Variants in BMPR1B observed in about 807,000 individuals in gnomAD.
BMPR1B encodes bone morphogenetic protein receptor type-1B.
In BMPR1B, 12 loss-of-function variants were observed where a neutral mutation model predicts 59.1. That is an observed-to-expected ratio of 0.20 (90% CI 0.13 to 0.33). The LOEUF (loss-of-function observed/expected upper bound fraction) is 0.33, where lower values mean the gene tolerates loss of function less well. Ranked by LOEUF, BMPR1B falls within the 10% of genes least tolerant of loss-of-function variation. The probability of loss-of-function intolerance (pLI) is 1.00; values close to 1 mark genes in which losing one functional copy is unlikely to be tolerated. For synonymous variants in BMPR1B, 237 were observed against 207.3 expected (o/e 1.14, Z -1.23); for missense variants, 550 against 610.9 (o/e 0.90, Z 1.05).
intron 10 of BMPR1B, among the ~76,000 whole-genome samples, chr4:95,139,708 C>G (rs893174426): frequency 4.6e-5 from 7 of 151,430 alleles, no homozygotes; most frequent in African/African-American, 1.5e-4. Context: ...TGGGACCCTC[C>G]GAGCCGGGCG....
intron 2 of BMPR1B, among the ~76,000 whole-genome samples, chr4:94,882,378 C>T (rs1199984634): frequency 2.0e-5 from 3 of 152,136 alleles, no homozygotes; most frequent in Non-Finnish European, 4.4e-5. Flanking sequence ...AACTTTTTCT[C>T]TTCGTCAAAG....
intron 1 of BMPR1B, among the ~76,000 whole-genome samples, chr4:94,767,105 C>A (rs749722559): frequency 1.3e-5 from 2 of 152,054 alleles, no homozygotes; most frequent in African/African-American, 4.8e-5. Context: ...GAAGAACCCA[C>A]GACCAGGCTG....
At chr4:95,058,571 A>G (rs1727105597) in intron 3 of BMPR1B, among the ~76,000 whole-genome samples, 1 of 152,056 alleles carries the variant, frequency 6.6e-6, no homozygotes, top group South Asian at 2.1e-4. Context: ...ACATCTTAAA[A>G]TTTTTTCTGG....
chr4:95,110,539 C>T (rs1032778299), intron 4 of BMPR1B, among the ~76,000 whole-genome samples: 1 of 152,074 alleles, frequency 6.6e-6, no homozygotes, highest in Non-Finnish European at 1.5e-5. Context: ...ATGTATTTCA[C>T]GCTATATTCC....
At chr4:94,933,899 T>G (rs1052700835) in intron 2 of BMPR1B, among the ~76,000 whole-genome samples, 5 of 152,120 alleles carry the variant, frequency 3.3e-5, no homozygotes, top group African/African-American at 1.2e-4. Context: ...ACGAAAAGTT[T>G]AAGAGAAAAG....
chr4:94,971,047 A>G (rs1458148919), intron 2 of BMPR1B, among the ~76,000 whole-genome samples: 1 of 152,172 alleles, frequency 6.6e-6, no homozygotes, highest in East Asian at 1.9e-4. Context: ...TTTCCCTTTC[A>G]GTGCTACCTA....
chr4:95,032,009 G>C (rs1156482424), intron 3 of BMPR1B, among the ~76,000 whole-genome samples: 3 of 152,150 alleles, frequency 2.0e-5, no homozygotes, highest in Non-Finnish European at 4.4e-5. Flanking sequence ...TATTCACATT[G>C]TTGTGCAGCC....
At chr4:94,954,820 C>A (rs758867644) in intron 2 of BMPR1B, among the ~76,000 whole-genome samples, 1 of 152,152 alleles carries the variant, frequency 6.6e-6, no homozygotes, top group Non-Finnish European at 1.5e-5. Context: ...CTGATGCATA[C>A]TGAACACCCA....
chr4:94,999,809 G>A (rs960336473), intron 3 of BMPR1B, among the ~76,000 whole-genome samples: 2 of 152,036 alleles, frequency 1.3e-5, no homozygotes, highest in Non-Finnish European at 2.9e-5. Flanking sequence ...AGATAGTTCG[G>A]GTTTTAAGGA....
intron 1 of BMPR1B, among the ~76,000 whole-genome samples, chr4:94,822,342 G>C (rs1277184222): frequency 6.6e-6 from 1 of 152,166 alleles, no homozygotes; most frequent in African/African-American, 2.4e-5. Context: ...TTATGTCTGA[G>C]TTTTAACTTA....
intron 1 of BMPR1B, among the ~76,000 whole-genome samples, chr4:94,848,942 C>A (rs549614939): frequency 2.1e-4 from 32 of 152,242 alleles, no homozygotes; most frequent in African/African-American, 7.5e-4. Context: ...CTGAGAGGGA[C>A]TGAGAGGTGA....
chr4:95,026,158 C>CTTTCTTTCTTTCTTTCTTTCTTTA (rs1260196018), intron 3 of BMPR1B, among the ~76,000 whole-genome samples: 1 of 146,704 alleles, frequency 6.8e-6, no homozygotes, highest in Non-Finnish European at 1.5e-5. Flanking sequence ...TTCTTTCTTT[C>CTTTCTTTCTTTCTTTCTTTCTTTA]TTTCTCTTTT....
intron 1 of BMPR1B, among the ~76,000 whole-genome samples, chr4:94,786,494 A>G (rs1465238591): frequency 1.3e-5 from 2 of 151,720 alleles, no homozygotes; most frequent in African/African-American, 2.4e-5. Context: ...CCAAATAGCT[A>G]GGATTATGGG....
intron 6 of BMPR1B, among the ~76,000 whole-genome samples, chr4:95,117,741 C>T (rs1732176696): frequency 6.6e-6 from 1 of 151,920 alleles, no homozygotes; most frequent in African/African-American, 2.4e-5. Context: ...CGCTACAGTC[C>T]TGCCACTGCA....
intron 3 of BMPR1B, among the ~76,000 whole-genome samples, chr4:95,034,429 C>G (rs1330021655): frequency 6.6e-6 from 1 of 151,944 alleles, no homozygotes; most frequent in Non-Finnish European, 1.5e-5. Flanking sequence ...ATCCCTCACC[C>G]CTTCCCACCC....
At chr4:94,985,659 A>G (rs1202951247) in intron 2 of BMPR1B, among the ~76,000 whole-genome samples, 1 of 152,012 alleles carries the variant, frequency 6.6e-6, no homozygotes, top group East Asian at 1.9e-4. Flanking sequence ...TTTTGCTGAG[A>G]TTTGTTCCTG....
intron 1 of BMPR1B, among the ~76,000 whole-genome samples, chr4:94,857,968 C>T (rs919016206): frequency 3.0e-4 from 45 of 152,128 alleles, no homozygotes; most frequent in African/African-American, 7.7e-4. Flanking sequence ...TTTTTTGAGA[C>T]GGAGTCTCGC....
Position 94,831,453 on chromosome 4 carries a change from A to G in BMPR1B, c.-182-44378A>G, listed in dbSNP as rs559562334. On this transcript the variant is annotated intron_variant, in intron 1 of 12. Transcript: ENST00000515059. Reference sequence around the variant, plus strand: ...TAGATTAGTTAAACCTAAGTATACAATGTTTATAAAGTCTGCATTAGTGTA... The same window carrying G: ...TAGATTAGTTAAACCTAAGTATACAGTGTTTATAAAGTCTGCATTAGTGTA... Among the ~76,000 whole-genome samples the G allele has an allele frequency of 1.7e-4, 26 of 152,288 alleles. No homozygotes were observed. The East Asian group carries it at 4.8e-3, about 28-fold the overall frequency.
At chr4:95,125,650 T>C (rs969092346) in intron 8 of BMPR1B, among the ~76,000 whole-genome samples, 2 of 152,182 alleles carry the variant, frequency 1.3e-5, no homozygotes, top group Non-Finnish European at 2.9e-5. Context: ...TTACACTTAT[T>C]TTTTTCTAAA....
Sources: allele counts gnomAD v4.1 joint callset (sites outside exome capture counted in the v4.1 genomes callset), GRCh38; gene constraint gnomAD v4.1.1; transcripts MANE v1.5; gene names NCBI Gene and HGNC (gene_info 2026-07-23, HGNC 2026-07-21).